FSTL5: variants seen among roughly 807,000 people sequenced by gnomAD.
The protein encoded by FSTL5 is follistatin-related protein 5.
FSTL5 carries 62 observed loss-of-function variants against 89.1 expected under a neutral mutation model. The ratio of observed to expected loss-of-function variants is 0.70; its 90% CI spans 0.57 to 0.86. The LOEUF (loss-of-function observed/expected upper bound fraction) is 0.86, where lower values mean the gene tolerates loss of function less well. Among genes scored for constraint, FSTL5 ranks in the 40% least tolerant of loss-of-function variants. The pLI, the probability that FSTL5 is intolerant of heterozygous loss-of-function variation, is 0.00. For synonymous variants in FSTL5, 383 were observed against 346.2 expected (o/e 1.11, Z -1.18); for missense variants, 1,057 against 1,001.6 (o/e 1.06, Z -0.75).
At chr4:161,513,610 T>TG (rs1730724862) in intron 10 of FSTL5, among the ~76,000 whole-genome samples, 1 of 152,108 alleles carries the variant, frequency 6.6e-6, no homozygotes, top group African/African-American at 2.4e-5. Context: ...AGTGGTAGAC[T>TG]GGGTAAAGAA....
intron 4 of FSTL5, among the ~76,000 whole-genome samples, chr4:161,819,337 C>G (rs1047385151): frequency 2.0e-5 from 3 of 151,944 alleles, no homozygotes; most frequent in Non-Finnish European, 4.4e-5. Flanking sequence ...ACTCAACAAA[C>G]AGAAGGCAAA....
rs776850627 is a variant in FSTL5, at chr4:161,481,096, T to A, written c.1532A>T (p.Asp511Val). ...TGGCTGTGCAACATAAATGAACTTG[T>A]CTTTGACATTAACAGCTGATGCCCA... Reference protein sequence around the residue: ...CVWASAVNVKDKFIYVAQPTL... With the variant: ...CVWASAVNVKVKFIYVAQPTL... Residue 511 changes from aspartate to valine, a missense_variant, in exon 13 of 16, where the codon GAC becomes GTC. Asp to Val is a radical substitution (Grantham distance 152). Around this residue, in one of 3 missense-constraint regions of FSTL5, gnomAD observed 980 missense variants for 903.2 expected, o/e 1.08. Transcript: ENST00000306100. 3 of 1,613,142 alleles carry A rather than the reference T, an allele frequency of 1.9e-6. No individual in the cohort carries two copies. The highest frequency in any genetic ancestry group is 1.7e-6 in the Non-Finnish European group (2 of 1,179,422).
At chr4:162,062,650 T>C (rs1738758202) in intron 2 of FSTL5, among the ~76,000 whole-genome samples, 1 of 151,184 alleles carries the variant, frequency 6.6e-6, no homozygotes, top group Non-Finnish European at 1.5e-5. Context: ...TATTTAATAA[T>C]ATTTTAAATA....
At chr4:161,638,260 CTGTT>C (rs1272597224) in intron 7 of FSTL5, among the ~76,000 whole-genome samples, 2 of 151,508 alleles carry the variant, frequency 1.3e-5, no homozygotes, top group Non-Finnish European at 2.9e-5. Context: ...ATTTGGCTCT[CTGTT>C]TGTCTGTTGT....
At chr4:162,045,662 G>A in intron 2 of FSTL5, among the ~76,000 whole-genome samples, 1 of 152,100 alleles carries the variant, frequency 6.6e-6, no homozygotes, top group East Asian at 1.9e-4. Flanking sequence ...GACACCGACA[G>A]ACTTGCTTAA....
intron 8 of FSTL5, among the ~76,000 whole-genome samples, chr4:161,570,911 C>T (rs910931873): frequency 2.0e-5 from 3 of 152,038 alleles, no homozygotes; most frequent in South Asian, 2.1e-4. Flanking sequence ...GTCAAGAGAT[C>T]GAGACCATCC....
intron 6 of FSTL5, among the ~76,000 whole-genome samples, chr4:161,750,921 G>C (rs1167969085): frequency 1.3e-5 from 2 of 152,014 alleles, no homozygotes; most frequent in African/African-American, 4.8e-5. Flanking sequence ...ATTACACTTA[G>C]AGTCAGAAAA....
At position 161,705,987 on chromosome 4, in the gene FSTL5, TATATATATAC is replaced by T. The variant is rs1176049262; in HGVS notation, c.728-49503_728-49494del. On this transcript the variant is annotated intron_variant, in intron 6 of 15. Coordinates refer to ENST00000306100, the MANE Select transcript of FSTL5 (RefSeq NM_020116.5). ...ATATATATATATATATATATATATA[TATATATATAC>T]ACACATCTACACACACACAGACTAT... Among the ~76,000 whole-genome samples, 378 of 94,864 alleles carry T rather than the reference TATATATATAC, an allele frequency of 4.0e-3. 45 individuals are homozygous for T. The highest frequency in any genetic ancestry group is 6.4e-3 in the African/African-American group (142 of 22,274). The allele number at this position is 94,864 out of a possible 152,430, so 62.2% of individuals were successfully genotyped here. A position where few individuals can be genotyped will look rare whatever the true frequency, so the allele number is the denominator to read the frequency against.
intron 3 of FSTL5, among the ~76,000 whole-genome samples, chr4:161,973,128 A>G (rs1436600534): frequency 6.6e-6 from 1 of 152,134 alleles, no homozygotes; most frequent in African/African-American, 2.4e-5. Flanking sequence ...TACTTATGAA[A>G]TCACTATTTG....
chr4:161,819,092 A>G (rs1230557258), intron 4 of FSTL5, among the ~76,000 whole-genome samples: 1 of 152,164 alleles, frequency 6.6e-6, no homozygotes, highest in African/African-American at 2.4e-5. Flanking sequence ...TGCCTATGGC[A>G]TATATACATT....
intron 12 of FSTL5, among the ~76,000 whole-genome samples, chr4:161,492,071 A>C (rs746053850): frequency 2.6e-5 from 4 of 152,206 alleles, no homozygotes; most frequent in Admixed American, 6.6e-5. Flanking sequence ...TATATCTTTA[A>C]AACAGCCTAG....
At chr4:161,715,386 C>A (rs1450530298) in intron 6 of FSTL5, among the ~76,000 whole-genome samples, 1 of 152,072 alleles carries the variant, frequency 6.6e-6, no homozygotes, top group Non-Finnish European at 1.5e-5. Context: ...TCTTTAATAA[C>A]ATACTCTTTT....
chr4:161,739,590 A>G lies in FSTL5; in HGVS notation c.727+19821T>C, dbSNP rs538184438. Among the ~76,000 whole-genome samples the G allele has an allele frequency of 3.9e-5, 6 of 152,276 alleles. No homozygotes were observed. The South Asian group carries it at 8.3e-4, about 21-fold the overall frequency. On this transcript the variant is annotated intron_variant, in intron 6 of 15. Coordinates refer to ENST00000306100, the MANE Select transcript of FSTL5 (RefSeq NM_020116.5). Reference sequence around the variant, plus strand: ...AAATATTTGGACAAAGCTGTCTTATATGGGGATTAGTTGTATACAGCAGAG... The same window carrying G: ...AAATATTTGGACAAAGCTGTCTTATGTGGGGATTAGTTGTATACAGCAGAG...
chr4:161,528,297 A>G (rs1458591058), intron 10 of FSTL5, among the ~76,000 whole-genome samples: 2 of 143,408 alleles, frequency 1.4e-5, no homozygotes. Flanking sequence ...AAGTATGATA[A>G]TAATGAAATA....
chr4:161,817,913 G>A (rs1256879676), intron 4 of FSTL5, among the ~76,000 whole-genome samples: 2 of 151,944 alleles, frequency 1.3e-5, no homozygotes, highest in East Asian at 1.9e-4. Flanking sequence ...GGGAGGGAAA[G>A]GGAAGTGCTG....
intron 3 of FSTL5, among the ~76,000 whole-genome samples, chr4:162,009,855 G>C (rs1736710605): frequency 6.6e-6 from 1 of 151,540 alleles, no homozygotes; most frequent in Non-Finnish European, 1.5e-5. Flanking sequence ...TACAAATTAC[G>C]TGTAGTAGCA....
At chr4:162,126,269 A>G (rs928796545) in intron 1 of FSTL5, among the ~76,000 whole-genome samples, 1 of 152,024 alleles carries the variant, frequency 6.6e-6, no homozygotes, top group South Asian at 2.1e-4. Flanking sequence ...CGTTCTTTGT[A>G]TCTTAAAATT....
intron 3 of FSTL5, among the ~76,000 whole-genome samples, chr4:161,929,943 G>A (rs1734241388): frequency 1.3e-5 from 2 of 151,518 alleles, no homozygotes; most frequent in South Asian, 4.1e-4. Context: ...TTGATGTGTG[G>A]CTGGTTATTT....
At chr4:162,014,799 G>T (rs534051487) in intron 3 of FSTL5, among the ~76,000 whole-genome samples, 100 of 152,228 alleles carry the variant, frequency 6.6e-4, no homozygotes, top group South Asian at 4.8e-3. Flanking sequence ...TTTAGATCCA[G>T]AAAACTGCTA....
Sources: gnomAD v4.1 joint callset for allele counts (sites outside exome capture counted in the v4.1 genomes callset) on GRCh38, gnomAD v4.1.1 for gene constraint, gnomAD v4.1.1 regional missense constraint, MANE v1.5 for transcripts, NCBI Gene and HGNC (gene_info 2026-07-23, HGNC 2026-07-21) for gene names.